Variants in CDH8 observed in about 807,000 individuals in gnomAD.
The protein encoded by CDH8 is cadherin-8.
A neutral mutation model predicts 68.1 loss-of-function variants in CDH8; 17 were observed. That is an observed-to-expected ratio of 0.25 (90% confidence interval 0.17 to 0.37). The LOEUF (loss-of-function observed/expected upper bound fraction) is 0.37. Ranked by LOEUF, CDH8 falls within the 10% of genes least tolerant of loss-of-function variation. The pLI, the probability that CDH8 is intolerant of heterozygous loss-of-function variation, is 1.00. For missense variants in CDH8, 763 were observed against 999.3 expected (o/e 0.76, Z 3.19); for synonymous variants, 372 against 365.1 (o/e 1.02, Z -0.21).
chr16:61,835,552 C>T (rs1394691777), intron 4 of CDH8, among the ~76,000 whole-genome samples: 1 of 151,888 alleles, frequency 6.6e-6, no homozygotes, highest in Non-Finnish European at 1.5e-5. Context: ...TATGGCTAGC[C>T]AATGACTGAT....
At chr16:61,708,533 T>C (rs541875491) in intron 10 of CDH8, among the ~76,000 whole-genome samples, 43 of 152,332 alleles carry the variant, frequency 2.8e-4, no homozygotes, top group African/African-American at 9.6e-4. Context: ...ACAAGAGTTT[T>C]ACAAAAACTA....
chr16:61,918,980 G>C (rs1399252296), intron 2 of CDH8, among the ~76,000 whole-genome samples: 1 of 147,598 alleles, frequency 6.8e-6, no homozygotes, highest in Non-Finnish European at 1.5e-5. Flanking sequence ...AGAACCGGCA[G>C]ACTGCCTCTT....
intron 7 of CDH8, among the ~76,000 whole-genome samples, chr16:61,807,509 C>A (rs1961821880): frequency 6.6e-6 from 1 of 151,858 alleles, no homozygotes; most frequent in South Asian, 2.1e-4. Flanking sequence ...CAAAAACAAA[C>A]AAACAAACAA....
At chr16:61,923,287 A>G (rs1964401934) in intron 2 of CDH8, among the ~76,000 whole-genome samples, 1 of 152,078 alleles carries the variant, frequency 6.6e-6, no homozygotes, top group South Asian at 2.1e-4. Flanking sequence ...CTTTCATTCC[A>G]CCGTCGGTCA....
intron 2 of CDH8, among the ~76,000 whole-genome samples, chr16:61,918,950 A>G (rs1170689270): frequency 6.7e-6 from 1 of 148,428 alleles, no homozygotes; most frequent in Non-Finnish European, 1.5e-5. Context: ...TGGTTCTCCC[A>G]GCACGCAGCT....
At chr16:61,672,006 T>G (rs540551681) in intron 10 of CDH8, among the ~76,000 whole-genome samples, 2 of 152,284 alleles carry the variant, frequency 1.3e-5, no homozygotes, top group South Asian at 4.1e-4. Context: ...TAGAGAAATC[T>G]AAATACATTT....
intron 2 of CDH8, among the ~76,000 whole-genome samples, chr16:61,924,375 G>T (rs113693224): frequency 0.012 from 1,771 of 152,132 alleles, 40 homozygotes; most frequent in African/African-American, 0.04. Context: ...AGGTTCTCAC[G>T]CATCATCTTG....
chr16:61,841,325 A>G (rs891208381), intron 4 of CDH8, among the ~76,000 whole-genome samples: 1 of 152,210 alleles, frequency 6.6e-6, no homozygotes, highest in Non-Finnish European at 1.5e-5. Context: ...ATTTCCACCA[A>G]TAATGTACTA....
intron 2 of CDH8, among the ~76,000 whole-genome samples, chr16:61,910,805 G>A (rs962013895): frequency 2.0e-5 from 3 of 152,200 alleles, no homozygotes; most frequent in Non-Finnish European, 2.9e-5. Flanking sequence ...GCCTATCAAC[G>A]TATTCGGGGT....
intron 2 of CDH8, among the ~76,000 whole-genome samples, chr16:61,945,496 C>T (rs1964787719): frequency 6.6e-6 from 1 of 150,756 alleles, no homozygotes; most frequent in Non-Finnish European, 1.5e-5. Flanking sequence ...ATCTTTCTTA[C>T]CCTCAAAGGT....
intron 2 of CDH8, among the ~76,000 whole-genome samples, chr16:61,960,080 T>TGTATGTATGTGTGTGTGTATAC (rs1965083667): frequency 7.3e-6 from 1 of 136,326 alleles, no homozygotes; most frequent in Non-Finnish European, 1.6e-5. Context: ...CATACATATA[T>TGTATGTATGTGTGTGTGTATAC]ACATATATGT....
At chr16:61,788,455 T>C (rs1254421448) in intron 8 of CDH8, among the ~76,000 whole-genome samples, 2 of 152,100 alleles carry the variant, frequency 1.3e-5, no homozygotes, top group Non-Finnish European at 2.9e-5. Flanking sequence ...ATTGTCTCCT[T>C]TGAATTTGTG....
rs199665213 is a variant in CDH8, at chr16:61,665,378, A to C, written c.1655-9657T>G. ...AAAAAGAATGAGTTCACAAAAAATG[A>C]GTTTCTGAGCAAACTAACACAGGAA... is the stretch of plus-strand genomic sequence containing the variant. On this transcript the variant is annotated intron_variant, in intron 10 of 11. Coordinates refer to ENST00000577390, the MANE Select transcript of CDH8 (RefSeq NM_001796.5). Among the ~76,000 whole-genome samples the C allele has an allele frequency of 5.3e-5, 8 of 152,124 alleles. No homozygotes were observed. The East Asian group carries it at 1.4e-3, about 26-fold the overall frequency.
intron 9 of CDH8, among the ~76,000 whole-genome samples, chr16:61,714,482 T>G (rs1964686461): frequency 6.6e-6 from 1 of 151,562 alleles, no homozygotes; most frequent in Non-Finnish European, 1.5e-5. Context: ...TCCCAATAAT[T>G]AATACTGTTT....
intron 10 of CDH8, among the ~76,000 whole-genome samples, chr16:61,668,995 C>A (rs1472771980): frequency 6.6e-6 from 1 of 151,980 alleles, no homozygotes; most frequent in Non-Finnish European, 1.5e-5. Context: ...ATATTGAAAT[C>A]TTTAATACTG....
At chr16:62,017,016 T>C (rs574365936) in intron 2 of CDH8, among the ~76,000 whole-genome samples, 57 of 152,228 alleles carry the variant, frequency 3.7e-4, no homozygotes, top group Non-Finnish European at 7.3e-4. Context: ...AAAATACTCA[T>C]ATGAAAGAGA....
At chr16:61,682,210 C>CAAT (rs1271355993) in intron 10 of CDH8, among the ~76,000 whole-genome samples, 1 of 151,830 alleles carries the variant, frequency 6.6e-6, no homozygotes, top group East Asian at 1.9e-4. Flanking sequence ...AGATTGAAAA[C>CAAT]AATTTATCTA....
At chr16:61,753,797 C>T (rs1364857576) in intron 8 of CDH8, among the ~76,000 whole-genome samples, 1 of 151,874 alleles carries the variant, frequency 6.6e-6, no homozygotes, top group South Asian at 2.1e-4. Context: ...TGTACCATGT[C>T]AGAAACAAAA....
At chr16:61,980,516 G>A (rs1965512110) in intron 2 of CDH8, among the ~76,000 whole-genome samples, 1 of 152,054 alleles carries the variant, frequency 6.6e-6, no homozygotes, top group Non-Finnish European at 1.5e-5. Flanking sequence ...AGGGCCCTGG[G>A]AGTATTTATA....
Sources: gnomAD v4.1 joint callset for allele counts (sites outside exome capture counted in the v4.1 genomes callset) on GRCh38, gnomAD v4.1.1 for gene constraint, MANE v1.5 for transcripts, NCBI Gene and HGNC (gene_info 2026-07-23, HGNC 2026-07-21) for gene names.